Variants in RABGAP1L observed in about 807,000 individuals in gnomAD.
The protein encoded by RABGAP1L is rab GTPase-activating protein 1-like.
Under a neutral mutation model 137.7 loss-of-function variants are expected in RABGAP1L, and 63 were observed. That is an observed-to-expected ratio of 0.46 (90% CI 0.37 to 0.56). The LOEUF (loss-of-function observed/expected upper bound fraction) is 0.56, where lower values mean the gene tolerates loss of function less well. RABGAP1L is among the 20% of genes least tolerant of loss of function. The pLI is 0.00. For synonymous variants in RABGAP1L, 431 were observed against 433.7 expected, an observed-to-expected ratio of 0.99 and a Z score of 0.08; for missense variants, 1,095 against 1,244.0, an observed-to-expected ratio of 0.88 and a Z score of 1.80.
intron 13 of RABGAP1L, among the ~76,000 whole-genome samples, chr1:174,419,956 A>G (rs190482416): frequency 3.9e-5 from 6 of 152,336 alleles, no homozygotes; most frequent in Non-Finnish European, 8.8e-5. Context: ...TTTGAGCCCA[A>G]GAAACAAGAA....
At chr1:174,421,584 C>G (rs979249915) in intron 13 of RABGAP1L, among the ~76,000 whole-genome samples, 1 of 152,160 alleles carries the variant, frequency 6.6e-6, no homozygotes, top group Admixed American at 6.5e-5. Context: ...TTGGTGAAAA[C>G]TTCTCTTAGA....
chr1:174,620,932 A>G (rs1218550975), intron 13 of RABGAP1L, among the ~76,000 whole-genome samples: 4 of 152,218 alleles, frequency 2.6e-5, no homozygotes, highest in South Asian at 4.1e-4. Context: ...AATAGACGCA[A>G]TAAAAAATGA....
intron 17 of RABGAP1L, among the ~76,000 whole-genome samples, chr1:174,749,205 A>G (rs3117838): frequency 0.37 from 56,167 of 151,246 alleles, 13,759 homozygotes; most frequent in African/African-American, 0.7. Context: ...AAGAAAAGAC[A>G]TCAGTCAATA....
intron 13 of RABGAP1L, among the ~76,000 whole-genome samples, chr1:174,498,840 G>A (rs1660988613): frequency 6.6e-6 from 1 of 151,348 alleles, no homozygotes; most frequent in African/African-American, 2.4e-5. Context: ...TGACTTTTTA[G>A]CATTACTTTC....
At chr1:174,420,993 G>A (rs6671256) in intron 13 of RABGAP1L, among the ~76,000 whole-genome samples, 1 of 151,900 alleles carries the variant, frequency 6.6e-6, no homozygotes, top group African/African-American at 2.4e-5. Context: ...GTTTTATAGG[G>A]CATGAAGCTT....
intron 13 of RABGAP1L, among the ~76,000 whole-genome samples, chr1:174,580,529 G>C (rs1668662456): frequency 6.6e-6 from 1 of 152,030 alleles, no homozygotes; most frequent in Non-Finnish European, 1.5e-5. Context: ...ACTATCACAA[G>C]GACAAAATCT....
rs557621136 is a variant in RABGAP1L at position 174,303,794 on chromosome 1, C to T, written c.1324-1192C>T. Among the ~76,000 whole-genome samples the T allele has an allele frequency of 9.9e-5, 15 of 152,246 alleles. 1 individual carries two copies. In the South Asian group the frequency reaches 3.1e-3, roughly 32 times the overall value. ...GATGAAATATTTTACCACTATTGTA[C>T]AATTTTGTACTACAACATCAGAGTT... On this transcript the variant is annotated intron_variant, in intron 10 of 25. Coordinates refer to ENST00000681986, the MANE Select transcript of RABGAP1L (RefSeq NM_001366446.1).
chr1:174,393,964 G>A (rs1647496627), intron 12 of RABGAP1L, 31 bp from the exon 13 acceptor site: 1 of 1,605,552 alleles, frequency 6.2e-7, no homozygotes. Context: ...TGTAAAGGAA[G>A]TGTGAATGGA....
chr1:174,851,578 A>T (rs779861191), intron 19 of RABGAP1L, among the ~76,000 whole-genome samples: 1 of 151,890 alleles, frequency 6.6e-6, no homozygotes, highest in Non-Finnish European at 1.5e-5. Context: ...CTGGAGTACA[A>T]TCACCACTTA....
chr1:174,429,069 T>C (rs1652292438), intron 13 of RABGAP1L, among the ~76,000 whole-genome samples: 1 of 152,180 alleles, frequency 6.6e-6, no homozygotes, highest in Non-Finnish European at 1.5e-5. Flanking sequence ...GTGCTTGCAA[T>C]TCCTTTTTTA....
intron 10 of RABGAP1L, among the ~76,000 whole-genome samples, chr1:174,285,234 C>A (rs1274392273): frequency 6.6e-6 from 1 of 152,140 alleles, no homozygotes; most frequent in Non-Finnish European, 1.5e-5. Flanking sequence ...CCAGGCTGGT[C>A]TCGAACTCCT....
At chr1:174,205,243 G>A (rs1055379571) in intron 1 of RABGAP1L, among the ~76,000 whole-genome samples, 15 of 152,282 alleles carry the variant, frequency 9.9e-5, no homozygotes, top group African/African-American at 3.4e-4. Flanking sequence ...GTTCATCAAG[G>A]ATATTAGCCT....
chr1:174,460,603 TTTAAGA>T (rs1390647303), intron 13 of RABGAP1L, among the ~76,000 whole-genome samples: 1 of 152,140 alleles, frequency 6.6e-6, no homozygotes, highest in African/African-American at 2.4e-5. Flanking sequence ...GTGAAGGTAT[TTTAAGA>T]TTATTTATGT....
At position 174,976,180 on chromosome 1, in the gene RABGAP1L, C is replaced by G. The variant is rs969741689; in HGVS notation, c.2647C>G (p.Gln883Glu). The G allele has an allele frequency of 2.6e-6, 4 of 1,545,466 alleles. No homozygotes were observed. In the Admixed American group the frequency reaches 7.8e-5, roughly 30 times the overall value. The change falls in exon 22 of 26, where the codon CAG (glutamine) becomes GAG (glutamate). Residue 883 changes from glutamine (Q) to glutamate (E), a missense_variant and splice_region_variant. Physicochemically the swap from Gln to Glu is conservative, Grantham distance 29. This residue lies in a region of RABGAP1L where 312 missense variants were observed against 435.6 expected (regional missense o/e 0.72). Coordinates refer to ENST00000681986, the MANE Select transcript of RABGAP1L (RefSeq NM_001366446.1). Reference protein sequence around the residue: ...EKRKQEEETAQLKEVFRKQLE... With the variant: ...EKRKQEEETAELKEVFRKQLE... ...GAGGAAGCAAGAGGAAGAGACTGCCCAGGTAAAAGGAATAATATGTAGGCT... is the reference window on the plus strand; with the variant it reads ...GAGGAAGCAAGAGGAAGAGACTGCCGAGGTAAAAGGAATAATATGTAGGCT...
At chr1:174,937,322 T>G (rs888803321) in intron 19 of RABGAP1L, among the ~76,000 whole-genome samples, 1 of 150,484 alleles carries the variant, frequency 6.6e-6, no homozygotes, top group Non-Finnish European at 1.5e-5. Context: ...TTTGCTCTTG[T>G]TGCCCAGGCT....
rs1477501397 is a variant in RABGAP1L, at chr1:174,216,011, G to T, written c.-33-3114G>T. On this transcript the variant is annotated intron_variant, in intron 1 of 25. Transcript: ENST00000681986. ...TTTTGCAGCAACATGGATGAAAGCA[G>T]ATGTCATTAGGTTAAGTGAACAGGC... Among the ~76,000 whole-genome samples, 5 of 152,176 alleles carry T rather than the reference G, an allele frequency of 3.3e-5. No homozygotes were observed. The East Asian group carries it at 7.7e-4, about 23-fold the overall frequency.
intron 13 of RABGAP1L, among the ~76,000 whole-genome samples, chr1:174,585,416 A>G (rs1164815081): frequency 6.6e-6 from 1 of 152,288 alleles, no homozygotes. Flanking sequence ...CTGGACAGGT[A>G]AGGCACATAA....
chr1:174,635,623 G>C (rs181832210), intron 13 of RABGAP1L, among the ~76,000 whole-genome samples: 1 of 148,306 alleles, frequency 6.7e-6, no homozygotes, highest in Admixed American at 6.7e-5. Flanking sequence ...TTTTACTGAA[G>C]TTATGGTGAT....
Position 174,745,716 on chromosome 1 carries a change from C to T in RABGAP1L, c.2170-6597C>T, listed in dbSNP as rs138153183. The stretch of plus-strand genomic sequence containing the variant: ...ATATAATGGGCAATAAATACATGAA[C>T]CTAATAATAATAATTGCTAGTGTTT... On this transcript the variant is annotated intron_variant, in intron 17 of 25. Coordinates refer to ENST00000681986, the MANE Select transcript of RABGAP1L (RefSeq NM_001366446.1). Among the ~76,000 whole-genome samples, 5 of 152,112 alleles carry T rather than the reference C, an allele frequency of 3.3e-5. No homozygotes were observed. The East Asian group carries it at 9.6e-4, about 29-fold the overall frequency.
Sources: gnomAD v4.1 joint callset for allele counts (sites outside exome capture counted in the v4.1 genomes callset) on GRCh38, gnomAD v4.1.1 for gene constraint, gnomAD v4.1.1 regional missense constraint, MANE v1.5 for transcripts, NCBI Gene and HGNC (gene_info 2026-07-23, HGNC 2026-07-21) for gene names.